The following TRIM55 variants were observed in gnomAD, a reference collection of about 807,000 sequenced individuals.
TRIM55 encodes the protein tripartite motif containing 55, also known as tripartite motif-containing protein 55.
Under a neutral mutation model 60.9 loss-of-function variants are expected in TRIM55, and 50 were observed. The ratio of observed to expected loss-of-function variants is 0.82; its 90% CI spans 0.65 to 1.04. The LOEUF is 1.04. Among genes scored for constraint, TRIM55 ranks in the 50% least tolerant of loss-of-function variants. TRIM55 has a pLI of 0.00. For missense variants in TRIM55, 681 were observed against 666.9 expected (o/e 1.02, Z -0.23); for synonymous variants, 237 against 238.1 (o/e 1.00, Z 0.04).
intron 9 of TRIM55, among the ~76,000 whole-genome samples, chr8:66,164,933 AGAAGGAAG>A (rs66566563): frequency 0.12 from 17,317 of 148,932 alleles, 1,474 homozygotes; most frequent in East Asian, 0.37. Context: ...GAAGGAGGAA[AGAAGGAAG>A]GAAGGAAGGA....
At chr8:66,133,947 A>G (rs985355774) in intron 2 of TRIM55, among the ~76,000 whole-genome samples, 2 of 152,194 alleles carry the variant, frequency 1.3e-5, no homozygotes, top group African/African-American at 4.8e-5. Context: ...ACACACACAC[A>G]CACAAACACA....
the TRIM55 span, among the ~76,000 whole-genome samples, chr8:66,121,657 G>A: frequency 6.6e-6 from 1 of 152,160 alleles, no homozygotes; most frequent in African/African-American, 2.4e-5. Flanking sequence ...ACGCTGAGCT[G>A]TTACCAATCC....
At chr8:66,158,196 C>G (rs1415570571) in intron 9 of TRIM55, among the ~76,000 whole-genome samples, 1 of 134,834 alleles carries the variant, frequency 7.4e-6, no homozygotes, top group East Asian at 2.3e-4. Flanking sequence ...CACACACACA[C>G]ACACACTGCA....
At chr8:66,127,552 C>T (rs915697317) in intron 1 of TRIM55, 116 bp downstream of exon 1, 15 of 1,273,636 alleles carry the variant, frequency 1.2e-5, no homozygotes, top group Non-Finnish European at 1.3e-5. Context: ...GGTTGCCGGG[C>T]GCTTTGGCTC....
chr8:66,115,773 T>C, the TRIM55 span, among the ~76,000 whole-genome samples: 2 of 152,372 alleles, frequency 1.3e-5, no homozygotes, highest in Admixed American at 6.5e-5. Context: ...TTGCTTGACA[T>C]TTCGGTGCTT....
Position 66,159,153 on chromosome 8 carries a change from ACCC to A in TRIM55, c.1524+4821_1524+4823del, listed in dbSNP as rs370775400. On this transcript the variant is annotated intron_variant, in intron 9 of 9. Coordinates refer to ENST00000315962, the MANE Select transcript of TRIM55 (RefSeq NM_184085.2). ...AGTTAAGATGTAGAATATTTTCATC[ACCC>A]CAGAAAGTTCCCTCATGTGTCTTTA... Among the ~76,000 whole-genome samples, 9 of 152,322 alleles carry A rather than the reference ACCC, an allele frequency of 5.9e-5. No homozygotes were observed. The South Asian group carries it at 8.3e-4, about 14-fold the overall frequency.
chr8:66,157,343 A>G lies in TRIM55; in HGVS notation c.1524+3009A>G, dbSNP rs558997203. ...GGACACCTGTTCATGATGGAGTACT[A>G]CTCTTTGATCCCAGAAATGGGATAT... On this transcript the variant is annotated intron_variant, in intron 9 of 9. Coordinates refer to ENST00000315962, the MANE Select transcript of TRIM55 (RefSeq NM_184085.2). Among the ~76,000 whole-genome samples the G allele has an allele frequency of 5.3e-5, 8 of 152,036 alleles. No homozygotes were observed. The East Asian group carries it at 1.4e-3, about 26-fold the overall frequency.
At chr8:66,122,469 C>G (rs112992808), upstream of TRIM55, among the ~76,000 whole-genome samples, 3,773 of 152,226 alleles carry the variant, frequency 0.025, 136 homozygotes, top group African/African-American at 0.085. Context: ...TAAAAACAAG[C>G]TGTGCTCTGA....
upstream of TRIM55, among the ~76,000 whole-genome samples, chr8:66,122,317 G>A (rs182174745): frequency 1.3e-5 from 2 of 152,210 alleles, no homozygotes; most frequent in East Asian, 3.9e-4. Flanking sequence ...GCAACCATTT[G>A]TCTCTTATCT....
In TRIM55 at chr8:66,174,784, T is replaced by C. The variant is rs1175124862; in HGVS notation, c.*191T>C. 2.3e-6 allele frequency: 1 copy of C among 444,098 alleles called. No individual in the cohort carries two copies. Among genetic ancestry groups the C allele is most frequent in the Non-Finnish European group, 3.7e-6 (1 of 270,708 alleles). 27.5% of individuals were successfully genotyped at this position (444,098 alleles called of 1,614,324 possible). A position where few individuals can be genotyped will look rare whatever the true frequency, so the allele number is the denominator to read the frequency against. The stretch of plus-strand genomic sequence containing the variant: ...GGGGGGAAAGAATATTTTGAGAAAA[T>C]AGTTGCAGAAAGCACTGGAAATAAT... On this transcript the variant is annotated 3_prime_UTR_variant, in exon 10 of 10. Coordinates refer to ENST00000315962, the MANE Select transcript of TRIM55 (RefSeq NM_184085.2).
At chr8:66,160,383 G>A (rs1276142773) in intron 9 of TRIM55, among the ~76,000 whole-genome samples, 1 of 151,818 alleles carries the variant, frequency 6.6e-6, no homozygotes, top group Non-Finnish European at 1.5e-5. Flanking sequence ...GTGTGTGTGT[G>A]TGTATCACAT....
the TRIM55 span, among the ~76,000 whole-genome samples, chr8:66,115,776 C>T: frequency 5.3e-5 from 8 of 152,290 alleles, no homozygotes; most frequent in African/African-American, 1.4e-4. Context: ...CTTGACATTT[C>T]GGTGCTTCAG....
intron 9 of TRIM55, among the ~76,000 whole-genome samples, chr8:66,157,409 G>T (rs896447402): frequency 6.6e-6 from 1 of 152,126 alleles, no homozygotes; most frequent in South Asian, 2.1e-4. Flanking sequence ...GCAAATTCCC[G>T]GCCTCTGAGA....
intron 9 of TRIM55, among the ~76,000 whole-genome samples, chr8:66,159,951 T>G (rs1008958305): frequency 9.8e-5 from 15 of 152,352 alleles, no homozygotes; most frequent in African/African-American, 3.1e-4. Context: ...ATAGATGTTT[T>G]GCAAATAATT....
intron 4 of TRIM55, among the ~76,000 whole-genome samples, chr8:66,148,123 G>T (rs2128979297): frequency 6.6e-6 from 1 of 152,244 alleles, no homozygotes; most frequent in Middle Eastern, 3.4e-3. Flanking sequence ...CAGCTATAAA[G>T]GTCCTGGACC....
intron 9 of TRIM55, among the ~76,000 whole-genome samples, chr8:66,168,755 CT>C (rs1487627816): frequency 6.6e-6 from 1 of 152,234 alleles, no homozygotes; most frequent in Non-Finnish European, 1.5e-5. Flanking sequence ...GGCAGCCCAG[CT>C]GTGGGGGCCT....
At chr8:66,132,803 A>G (rs920297189) in intron 2 of TRIM55, among the ~76,000 whole-genome samples, 3 of 150,736 alleles carry the variant, frequency 2.0e-5, no homozygotes, top group Non-Finnish European at 4.4e-5. Context: ...CTGGGCTACA[A>G]CCTAAATAAG....
intron 1 of TRIM55, 113 bp downstream of exon 1, chr8:66,127,549 G>A (rs183317903): frequency 6.1e-6 from 8 of 1,319,960 alleles, no homozygotes; most frequent in African/African-American, 1.5e-5. Context: ...TAAGGTTGCC[G>A]GGCGCTTTGG....
At chr8:66,143,738 T>C (rs28759026) in intron 4 of TRIM55, among the ~76,000 whole-genome samples, 13 of 152,188 alleles carry the variant, frequency 8.5e-5, no homozygotes, top group Non-Finnish European at 1.3e-4. Context: ...ATTATTTCAA[T>C]CTATATTTCT....
Sources: allele counts gnomAD v4.1 joint callset (sites outside exome capture counted in the v4.1 genomes callset), GRCh38; gene constraint gnomAD v4.1.1; transcripts MANE v1.5; gene names NCBI Gene and HGNC (gene_info 2026-07-23, HGNC 2026-07-21).